KCNAB1: variants seen among roughly 807,000 people sequenced by gnomAD.
KCNAB1 encodes voltage-gated potassium channel subunit beta-1.
A neutral mutation model predicts 64.6 loss-of-function variants in KCNAB1; 35 were observed. The ratio of observed to expected loss-of-function variants is 0.54; its 90% CI spans 0.41 to 0.72. KCNAB1 has a LOEUF of 0.72. Ranked by LOEUF, KCNAB1 falls within the 30% of genes least tolerant of loss-of-function variation. The pLI, the probability that KCNAB1 is intolerant of heterozygous loss-of-function variation, is 0.00. For missense variants in KCNAB1, 401 were observed against 512.9 expected (o/e 0.78, Z 2.11); for synonymous variants, 177 against 183.8 (o/e 0.96, Z 0.30).
At chr3:156,398,524 C>G (rs1376695535) in intron 1 of KCNAB1, among the ~76,000 whole-genome samples, 1 of 145,922 alleles carries the variant, frequency 6.9e-6, no homozygotes, top group Non-Finnish European at 1.5e-5. Context: ...CCCCGGGGGG[C>G]GGAGCCTGCA....
chr3:156,281,839 A>G (rs1266393570), intron 1 of KCNAB1, among the ~76,000 whole-genome samples: 4 of 148,806 alleles, frequency 2.7e-5, no homozygotes, highest in African/African-American at 1.0e-4. Flanking sequence ...TATTGCGTCT[A>G]TTTGATTCTT....
At chr3:156,431,481 G>A (rs2108243547) in intron 2 of KCNAB1, among the ~76,000 whole-genome samples, 1 of 152,302 alleles carries the variant, frequency 6.6e-6, no homozygotes, top group South Asian at 2.1e-4. Flanking sequence ...CAGGTGAGGA[G>A]AGCACAGGGC....
chr3:156,285,073 G>A (rs924524528), intron 1 of KCNAB1, among the ~76,000 whole-genome samples: 2 of 152,166 alleles, frequency 1.3e-5, no homozygotes, highest in Non-Finnish European at 2.9e-5. Context: ...GGCAGCGTGA[G>A]TTTAAAAAGA....
intron 1 of KCNAB1, among the ~76,000 whole-genome samples, chr3:156,307,951 A>G (rs1451792348): frequency 6.6e-6 from 1 of 152,166 alleles, no homozygotes; most frequent in Non-Finnish European, 1.5e-5. Context: ...GGTGTTGAGG[A>G]TAAGGGAGTG....
intron 1 of KCNAB1, among the ~76,000 whole-genome samples, chr3:156,326,131 C>T (rs530488405): frequency 6.6e-6 from 1 of 152,286 alleles, no homozygotes; most frequent in South Asian, 2.1e-4. Flanking sequence ...GTCTGCTCCC[C>T]TCTCCTGCAT....
intron 1 of KCNAB1, among the ~76,000 whole-genome samples, chr3:156,398,867 G>T (rs1713682657): frequency 6.6e-6 from 1 of 152,078 alleles, no homozygotes; most frequent in South Asian, 2.1e-4. Flanking sequence ...ATCCTATTTT[G>T]GAGATGGTTG....
intron 1 of KCNAB1, among the ~76,000 whole-genome samples, chr3:156,299,527 CAT>C (rs1721017914): frequency 8.1e-6 from 1 of 124,088 alleles, no homozygotes; most frequent in African/African-American, 4.8e-5. Flanking sequence ...AACATTGCCA[CAT>C]GTAACACTGG....
chr3:156,536,532 G>A, intron 13 of KCNAB1, 126 bp from the exon 14 acceptor site: 1 of 709,524 alleles, frequency 1.4e-6, no homozygotes, highest in African/African-American at 1.7e-5. Flanking sequence ...GGGGCGGGGG[G>A]CTTAGATTTC....
chr3:156,454,906 C>T (rs967368584), intron 3 of KCNAB1, among the ~76,000 whole-genome samples: 6 of 152,074 alleles, frequency 3.9e-5, no homozygotes, highest in East Asian at 1.9e-4. Context: ...TTGCCCGGGT[C>T]GTAGTGTGAA....
At chr3:156,142,936 G>C in intron 1 of KCNAB1, 1 of 1,131,270 alleles carries the variant, frequency 8.8e-7, no homozygotes, top group Non-Finnish European at 1.1e-6. Context: ...GATGAGAAAA[G>C]TGATTGGCCA....
chr3:156,399,158 C>T (rs547682347), intron 1 of KCNAB1, among the ~76,000 whole-genome samples: 446 of 152,304 alleles, frequency 2.9e-3, no homozygotes, highest in Non-Finnish European at 4.5e-3. Flanking sequence ...CCTTCATTTT[C>T]CCCTCATCCT....
intron 1 of KCNAB1, among the ~76,000 whole-genome samples, chr3:156,221,775 T>TCCCC (rs1172625958): frequency 1.5e-5 from 2 of 134,496 alleles, no homozygotes; most frequent in African/African-American, 5.6e-5. Context: ...CAAAACTCCA[T>TCCCC]CCCCCCCCGC....
intron 1 of KCNAB1, among the ~76,000 whole-genome samples, chr3:156,406,054 A>T (rs544361611): frequency 6.6e-6 from 1 of 152,250 alleles, no homozygotes; most frequent in African/African-American, 2.4e-5. Context: ...TACACCATAA[A>T]TGTTGTAAAA....
chr3:156,227,630 T>C (rs1050048951), intron 1 of KCNAB1: 1 of 152,258 alleles, frequency 6.6e-6, no homozygotes, highest in Non-Finnish European at 1.5e-5. Context: ...TTAGGAAATT[T>C]GTTCCTGGTC....
At chr3:156,288,396 T>C (rs1253952570) in intron 1 of KCNAB1, among the ~76,000 whole-genome samples, 1 of 152,238 alleles carries the variant, frequency 6.6e-6, no homozygotes, top group African/African-American at 2.4e-5. Context: ...TCTATGTTTG[T>C]GGGTCTTACT....
intron 2 of KCNAB1, among the ~76,000 whole-genome samples, chr3:156,437,641 A>C (rs1391872050): frequency 1.3e-5 from 2 of 152,204 alleles, no homozygotes; most frequent in Non-Finnish European, 2.9e-5. Context: ...ACATTTAAAA[A>C]AATTCTGCTA....
intron 1 of KCNAB1, among the ~76,000 whole-genome samples, chr3:156,220,768 GT>G (rs1715671407): frequency 6.6e-6 from 1 of 152,186 alleles, no homozygotes; most frequent in Admixed American, 6.5e-5. Flanking sequence ...TGCTTTTGAT[GT>G]TTTAGTCATG....
intron 2 of KCNAB1, among the ~76,000 whole-genome samples, chr3:156,430,420 C>A (rs1716125805): frequency 6.6e-6 from 1 of 152,126 alleles, no homozygotes; most frequent in Non-Finnish European, 1.5e-5. Context: ...ACCTATGATT[C>A]AAAAATGAAA....
At chr3:156,208,342 A>T (rs1714791605) in intron 1 of KCNAB1, among the ~76,000 whole-genome samples, 1 of 152,042 alleles carries the variant, frequency 6.6e-6, no homozygotes. Context: ...TTTCACGGCC[A>T]TGCTTCCCAT....
Sources: gnomAD v4.1 joint callset for allele counts (sites outside exome capture counted in the v4.1 genomes callset) on GRCh38, gnomAD v4.1.1 for gene constraint, MANE v1.5 for transcripts, NCBI Gene and HGNC (gene_info 2026-07-23, HGNC 2026-07-21) for gene names.